GASK1B: variants seen among roughly 807,000 people sequenced by gnomAD.
GASK1B encodes Golgi-associated kinase 1B.
A neutral mutation model predicts 42.8 loss-of-function variants in GASK1B; 34 were observed. That is an observed-to-expected ratio of 0.79 (90% confidence interval 0.60 to 1.06). GASK1B has a LOEUF of 1.06. Ranked by LOEUF, GASK1B falls within the 50% of genes least tolerant of loss-of-function variation. The probability of loss-of-function intolerance (pLI) is 0.00; values close to 1 mark genes in which losing one functional copy is unlikely to be tolerated. For missense variants in GASK1B, 686 were observed against 661.0 expected (o/e 1.04, Z -0.42); for synonymous variants, 262 against 259.1 (o/e 1.01, Z -0.11).
At chr4:158,151,659 C>T (rs1731562706) in intron 3 of GASK1B, among the ~76,000 whole-genome samples, 1 of 107,140 alleles carries the variant, frequency 9.3e-6, no homozygotes, top group Admixed American at 1.1e-4. Context: ...TTCAAGGCTA[C>T]TATGAACACC....
intron 3 of GASK1B, among the ~76,000 whole-genome samples, chr4:158,153,450 A>G (rs1458108511): frequency 1.3e-5 from 2 of 152,148 alleles, no homozygotes; most frequent in Non-Finnish European, 2.9e-5. Flanking sequence ...TACAAATTCA[A>G]TGCAATTCCC....
intron 3 of GASK1B, among the ~76,000 whole-genome samples, chr4:158,150,619 T>G (rs1731521039): frequency 6.6e-6 from 1 of 152,182 alleles, no homozygotes; most frequent in African/African-American, 2.4e-5. Flanking sequence ...AATCCCAGAC[T>G]CTTCATAGTT....
intron 2 of GASK1B, 47 bp downstream of exon 2, chr4:158,170,419 C>T (rs753052472): frequency 6.2e-7 from 1 of 1,614,122 alleles, no homozygotes; most frequent in South Asian, 1.1e-5. Flanking sequence ...AGAAAATGAA[C>T]CAGAATCCCC....
chr4:158,128,187 A>T (rs1031616322), intron 4 of GASK1B, among the ~76,000 whole-genome samples: 2 of 152,136 alleles, frequency 1.3e-5, no homozygotes, highest in African/African-American at 4.8e-5. Flanking sequence ...GTCATATTAT[A>T]CTCCTGGAGC....
At chr4:158,170,364 C>A in intron 2 of GASK1B, 102 bp downstream of exon 2, 3 of 1,614,058 alleles carry the variant, frequency 1.9e-6, no homozygotes, top group African/African-American at 1.3e-5. Context: ...AAATGTGAAC[C>A]GTGGGTGGAG....
chr4:158,128,262 A>C (rs1483830148), intron 4 of GASK1B, among the ~76,000 whole-genome samples: 23 of 152,162 alleles, frequency 1.5e-4, no homozygotes, highest in Non-Finnish European at 4.4e-5. Flanking sequence ...AATTCAGCAA[A>C]ACTCAAGTTT....
At chr4:158,160,695 C>T (rs1374089699) in intron 2 of GASK1B, among the ~76,000 whole-genome samples, 1 of 152,122 alleles carries the variant, frequency 6.6e-6, no homozygotes, top group Non-Finnish European at 1.5e-5. Context: ...GATATGGAAG[C>T]AACCTAGGTG....
At chr4:158,149,081 T>C (rs1731441912) in intron 3 of GASK1B, among the ~76,000 whole-genome samples, 1 of 152,174 alleles carries the variant, frequency 6.6e-6, no homozygotes, top group African/African-American at 2.4e-5. Context: ...GTACCAATCT[T>C]ATATTCTTAC....
chr4:158,130,761 C>A, intron 4 of GASK1B, 25 bp downstream of exon 4: 2 of 1,533,276 alleles, frequency 1.3e-6, no homozygotes, highest in South Asian at 1.1e-5. Context: ...ATGTGATGTC[C>A]TGCAGATGTT....
intron 2 of GASK1B, among the ~76,000 whole-genome samples, chr4:158,165,261 C>CT (rs1163666337): frequency 6.6e-6 from 1 of 152,220 alleles, no homozygotes; most frequent in South Asian, 2.1e-4. Flanking sequence ...TTGGTTTTCT[C>CT]TTTTTTTATT....
At chr4:158,149,584 T>C (rs1731465879) in intron 3 of GASK1B, among the ~76,000 whole-genome samples, 1 of 30,428 alleles carries the variant, frequency 3.3e-5, no homozygotes, top group Non-Finnish European at 2.3e-4. Context: ...AAATTTACTT[T>C]CCATTGTCCT....
In GASK1B at chr4:158,144,938, G is replaced by A. The variant is rs755480563; in HGVS notation, c.1125+10673C>T. Among the ~76,000 whole-genome samples the A allele has an allele frequency of 3.3e-5, 5 of 152,272 alleles. No homozygotes were observed. The Middle Eastern group carries it at 0.014, about 414-fold the overall frequency. On this transcript the variant is annotated intron_variant, in intron 3 of 4. Coordinates refer to ENST00000585682, the MANE Select transcript of GASK1B (RefSeq NM_001128424.2). ...AACTATTTGAAATCCCAATGTCCAG[G>A]ACCCTGGAGCACCATGTCTCTTGCT...
Position 158,127,572 on chromosome 4 carries a change from T to G in GASK1B, c.1395A>C (p.Leu465Phe), listed in dbSNP as rs1231177314. The change falls in exon 5 of 5, where the codon TTA becomes TTC. Residue 465 changes from leucine (L) to phenylalanine (F), a missense_variant. Transcript: ENST00000585682. ...SAVSVLKSQHLRQKLLQSLFL... is the reference protein window; with the variant it reads ...SAVSVLKSQHFRQKLLQSLFL... The stretch of plus-strand genomic sequence containing the variant: ...ACAGAGACTGAAGAAGTTTCTGCCG[T>G]AAGTGCTGGCTCTTCAAAACAGAAA... 5.0e-6 allele frequency: 8 copies of G among 1,613,480 alleles called. No homozygotes were observed. Among genetic ancestry groups the G allele is most frequent in the Non-Finnish European group, 6.8e-6 (8 of 1,179,756 alleles).
chr4:158,158,345 C>A (rs960554557), intron 2 of GASK1B, among the ~76,000 whole-genome samples: 1 of 152,012 alleles, frequency 6.6e-6, no homozygotes, highest in African/African-American at 2.4e-5. Flanking sequence ...TGACCTTTAC[C>A]ATTTCTTGAG....
chr4:158,171,653 T>C, intron 1 of GASK1B, 54 bp from the exon 2 acceptor site: 3 of 325,388 alleles, frequency 9.2e-6, no homozygotes, highest in Non-Finnish European at 1.7e-5. Context: ...ACCATTTAAG[T>C]TCCTCTACAA....
chr4:158,163,295 G>A lies in GASK1B; in HGVS notation c.910+7171C>T, dbSNP rs952504580. Among the ~76,000 whole-genome samples, 24 of 152,206 alleles carry A rather than the reference G, an allele frequency of 1.6e-4. 1 individual carries two copies. The highest frequency in any genetic ancestry group is 5.8e-4 in the African/African-American group (24 of 41,456). ...GGTAGCACTCAAGAGTGTTAGCTGG[G>A]CACAGTGGCTCACGCCTGTAATCCC... On this transcript the variant is annotated intron_variant, in intron 2 of 4. Transcript: ENST00000585682.
At chr4:158,170,402 G>A in intron 2 of GASK1B, 64 bp downstream of exon 2, 2 of 1,613,868 alleles carry the variant, frequency 1.2e-6, no homozygotes, top group Non-Finnish European at 1.7e-6. Flanking sequence ...AGAGAGTGAG[G>A]GAAAAAAGAA....
At chr4:158,131,518 A>G (rs1002967426) in intron 3 of GASK1B, among the ~76,000 whole-genome samples, 1 of 152,346 alleles carries the variant, frequency 6.6e-6, no homozygotes, top group African/African-American at 2.4e-5. Flanking sequence ...AATCTATTGA[A>G]AAGATGTGAG....
intron 2 of GASK1B, among the ~76,000 whole-genome samples, chr4:158,163,205 C>A (rs1239669348): frequency 6.6e-6 from 1 of 152,050 alleles, no homozygotes; most frequent in African/African-American, 2.4e-5. Flanking sequence ...CTGGATAAAC[C>A]AACTAAGAAA....
Sources: gnomAD v4.1 joint callset for allele counts (sites outside exome capture counted in the v4.1 genomes callset) on GRCh38, gnomAD v4.1.1 for gene constraint, MANE v1.5 for transcripts, NCBI Gene and HGNC (gene_info 2026-07-23, HGNC 2026-07-21) for gene names.